WIPI2: variants seen among roughly 807,000 people sequenced by gnomAD.
WIPI2 encodes the protein WD repeat domain, phosphoinositide interacting 2.
In WIPI2, 28 loss-of-function variants were observed where a neutral mutation model predicts 52.3. That is an observed-to-expected ratio of 0.54 (90% CI 0.40 to 0.73). WIPI2 has a LOEUF of 0.73. WIPI2 is among the 30% of genes least tolerant of loss of function. The pLI, the probability that WIPI2 is intolerant of heterozygous loss-of-function variation, is 0.00. For missense variants in WIPI2, 506 were observed against 602.9 expected, an observed-to-expected ratio of 0.84 and a Z score of 1.68; for synonymous variants, 268 against 245.0, an observed-to-expected ratio of 1.09 and a Z score of -0.88.
intron 2 of WIPI2, among the ~76,000 whole-genome samples, chr7:5,197,608 A>G (rs1409062805): frequency 2.6e-5 from 4 of 152,230 alleles, no homozygotes; most frequent in Non-Finnish European, 5.9e-5. Flanking sequence ...AAGATAAATC[A>G]ATGTGATTTT....
intron 7 of WIPI2, 120 bp from the exon 8 acceptor site, chr7:5,222,482 T>C: frequency 9.7e-7 from 1 of 1,034,420 alleles, no homozygotes; most frequent in Non-Finnish European, 1.5e-6. Flanking sequence ...GACTCCTTGG[T>C]GGCCCAGGGC....
rs1562384541 is a variant in WIPI2 at position 5,197,111 on chromosome 7, C to CAAAAAAAAAAAAAAAA, written c.129-2459_129-2458insAAAAAAAAAAAAAAAA. On this transcript the variant is annotated intron_variant, in intron 2 of 12. Transcript: ENST00000288828. ...TGCATGACAGAGCGGGACTCCGTCT[C>CAAAAAAAAAAAAAAAA]AAAAAACAAAAAAAAAAAAAAAAAA... Among the ~76,000 whole-genome samples the CAAAAAAAAAAAAAAAA allele has an allele frequency of 7.1e-5, 4 of 56,428 alleles. 2 individuals are homozygous for CAAAAAAAAAAAAAAAA. Among genetic ancestry groups the CAAAAAAAAAAAAAAAA allele is most frequent in the Non-Finnish European group, 5.9e-5 (2 of 33,978 alleles). 37.0% of individuals were successfully genotyped at this position (56,428 alleles called of 152,430 possible). A position where few individuals can be genotyped will look rare whatever the true frequency, so the allele number is the denominator to read the frequency against.
chr7:5,223,532 T>G (rs1439617668), intron 8 of WIPI2, among the ~76,000 whole-genome samples: 2 of 152,192 alleles, frequency 1.3e-5, no homozygotes, highest in African/African-American at 4.8e-5. Context: ...ACACCACATC[T>G]TTCTGGAGTT....
chr7:5,216,405 C>G (rs943684350), intron 4 of WIPI2, among the ~76,000 whole-genome samples, 158 bp from the exon 5 acceptor site: 1 of 152,124 alleles, frequency 6.6e-6, no homozygotes, highest in Non-Finnish European at 1.5e-5. Context: ...GCACTCCAGC[C>G]CGGGTGACAC....
intron 11 of WIPI2, among the ~76,000 whole-genome samples, chr7:5,228,506 G>A (rs565009504): frequency 3.9e-5 from 6 of 152,190 alleles, no homozygotes; most frequent in Non-Finnish European, 8.8e-5. Context: ...GGGGAGAGGT[G>A]CTGGGAGGCC....
At chr7:5,219,815 C>G (rs1783009799) in intron 7 of WIPI2, among the ~76,000 whole-genome samples, 1 of 152,008 alleles carries the variant, frequency 6.6e-6, no homozygotes, top group Admixed American at 6.6e-5. Context: ...CCAGAGAGAA[C>G]CAAGTGTTCT....
Position 5,232,668 on chromosome 7 carries a change from C to T in WIPI2, c.*1721C>T, listed in dbSNP as rs974440025. 17 of 213,438 alleles carry T rather than the reference C, an allele frequency of 8.0e-5. No individual in the cohort carries two copies. Among genetic ancestry groups the T allele is most frequent in the Admixed American group, 4.7e-4 (8 of 16,950 alleles). The allele number at this position is 213,438 out of a possible 1,614,324, so 13.2% of individuals were successfully genotyped here. On this transcript the variant is annotated 3_prime_UTR_variant, in exon 13 of 13. Coordinates refer to ENST00000288828, the MANE Select transcript of WIPI2 (RefSeq NM_015610.4). Reference sequence around the variant, plus strand: ...ACGCCTGCGTCTTGTGGTGCAAGGCCAGAGGGCTCTCTCTAGAACCTGACC... The same window carrying T: ...ACGCCTGCGTCTTGTGGTGCAAGGCTAGAGGGCTCTCTCTAGAACCTGACC...
intron 1 of WIPI2, among the ~76,000 whole-genome samples, chr7:5,191,781 A>G (rs1007359999): frequency 3.9e-5 from 6 of 152,210 alleles, no homozygotes; most frequent in African/African-American, 1.2e-4. Flanking sequence ...TCTTTAGGAA[A>G]TTAAAAGTGA....
chr7:5,201,061 G>A (rs1481714848), intron 3 of WIPI2, among the ~76,000 whole-genome samples: 1 of 152,248 alleles, frequency 6.6e-6, no homozygotes, highest in Admixed American at 6.5e-5. Context: ...GTGTGAGCCA[G>A]GGCTGTTTAT....
In WIPI2 at chr7:5,230,718, A is replaced by G; in HGVS notation, c.1253-117A>G. 1.5e-6 allele frequency: 1 copy of G among 647,020 alleles called. No homozygotes were observed. The highest frequency in any genetic ancestry group is 3.6e-5 in the Admixed American group (1 of 27,836). 40.1% of individuals were successfully genotyped at this position (647,020 alleles called of 1,614,324 possible). ...CAATCAGAATTCAGAACGTCTTAGT[A>G]CAGGCTTCAGTTTATAAATATACAC... is the stretch of plus-strand genomic sequence containing the variant. On this transcript the variant is annotated intron_variant, in intron 12 of 12. Coordinates refer to ENST00000288828, the MANE Select transcript of WIPI2 (RefSeq NM_015610.4). This position sits in a 1 kb window ranked among gnomAD's most constrained non-coding sequence, Gnocchi z 4.8.
intron 11 of WIPI2, among the ~76,000 whole-genome samples, chr7:5,228,994 A>C (rs1243299901): frequency 6.6e-6 from 1 of 152,120 alleles, no homozygotes; most frequent in Non-Finnish European, 1.5e-5. Flanking sequence ...TTGGGGTAAC[A>C]GGAGTGAGCC....
At chr7:5,194,711 G>A (rs192201492) in intron 2 of WIPI2, among the ~76,000 whole-genome samples, 3 of 152,160 alleles carry the variant, frequency 2.0e-5, no homozygotes, top group Non-Finnish European at 4.4e-5. Context: ...CTGGCTTCAA[G>A]TGATCCTCCC....
At chr7:5,214,793 C>G (rs1326423162) in intron 4 of WIPI2, 89 bp downstream of exon 4, 1 of 1,457,690 alleles carries the variant, frequency 6.9e-7, no homozygotes, top group Non-Finnish European at 9.4e-7. Flanking sequence ...GCCCCTCCGT[C>G]ATTCCCTTGC....
Position 5,227,467 on chromosome 7 carries a change from A to C in WIPI2, c.1013+123A>C. The stretch of plus-strand genomic sequence containing the variant: ...AGCAGCTTCTTAGAGCCGACACTCC[A>C]TCGAGAGTTGTCGGGGATGGGAGGT... On this transcript the variant is annotated intron_variant, in intron 10 of 12. Coordinates refer to ENST00000288828, the MANE Select transcript of WIPI2 (RefSeq NM_015610.4). This position sits in a 1 kb window ranked among gnomAD's most constrained non-coding sequence, Gnocchi z 8.1. The C allele has an allele frequency of 7.4e-7, 1 of 1,349,602 alleles. No homozygotes were observed. The highest frequency in any genetic ancestry group is 9.9e-7 in the Non-Finnish European group (1 of 1,009,594). The allele number at this position is 1,349,602 out of a possible 1,614,324, so 83.6% of individuals were successfully genotyped here.
chr7:5,229,879 T>G, intron 12 of WIPI2, 141 bp downstream of exon 12: 1 of 1,214,568 alleles, frequency 8.2e-7, no homozygotes, highest in African/African-American at 1.5e-5. Context: ...GCGAGGTTGG[T>G]AAATGGGTGT....
intron 12 of WIPI2, 79 bp downstream of exon 12, chr7:5,229,817 C>T (rs1418815272): frequency 1.9e-6 from 3 of 1,570,660 alleles, no homozygotes; most frequent in Non-Finnish European, 1.7e-6. Flanking sequence ...GCTCCGGAGC[C>T]ACCCCACCAG....
intron 1 of WIPI2, among the ~76,000 whole-genome samples, chr7:5,192,215 A>G (rs1781518110): frequency 6.6e-6 from 1 of 152,212 alleles, no homozygotes. Flanking sequence ...TTCAAGTGGA[A>G]TAGACTATGT....
At chr7:5,217,887 G>C in intron 6 of WIPI2, 35 bp from the exon 7 acceptor site, 1 of 1,609,882 alleles carries the variant, frequency 6.2e-7, no homozygotes, top group African/African-American at 1.3e-5. Flanking sequence ...CGGTCACTGT[G>C]CGGTGGCCAC....
chr7:5,191,525 A>G (rs116892191), intron 1 of WIPI2, among the ~76,000 whole-genome samples: 1,933 of 152,218 alleles, frequency 0.013, 21 homozygotes, highest in Admixed American at 0.02. Context: ...TGCATTCGGA[A>G]CGCTGTTTGT....
Sources: gnomAD v4.1 joint callset for allele counts (sites outside exome capture counted in the v4.1 genomes callset) on GRCh38, gnomAD v4.1.1 for gene constraint, Gnocchi (gnomAD v3.1) non-coding constraint, MANE v1.5 for transcripts, NCBI Gene and HGNC (gene_info 2026-07-23, HGNC 2026-07-21) for gene names.